Variants in ADAMTS2 observed in about 807,000 individuals in gnomAD.
ADAMTS2 encodes the protein ADAM metallopeptidase with thrombospondin type 1 motif 2, also known as A disintegrin and metalloproteinase with thrombospondin motifs 2.
A neutral mutation model predicts 123.0 loss-of-function variants in ADAMTS2; 50 were observed. That is an observed-to-expected ratio of 0.41 (90% CI 0.32 to 0.51). The LOEUF (loss-of-function observed/expected upper bound fraction) is 0.51, where lower values mean the gene tolerates loss of function less well. Ranked by LOEUF, ADAMTS2 falls within the 20% of genes least tolerant of loss-of-function variation. The probability of loss-of-function intolerance (pLI) is 0.35; values close to 1 mark genes in which losing one functional copy is unlikely to be tolerated. For synonymous variants in ADAMTS2, 678 were observed against 695.4 expected (o/e 0.98, Z 0.39); for missense variants, 1,494 against 1,705.2 (o/e 0.88, Z 2.18).
intron 2 of ADAMTS2, among the ~76,000 whole-genome samples, chr5:179,275,096 G>A (rs1766659231): frequency 6.6e-6 from 1 of 152,158 alleles, no homozygotes. Flanking sequence ...ATCACTCAGG[G>A]GGCTGGTGAG....
intron 18 of ADAMTS2, 84 bp from the exon 19 acceptor site, chr5:179,125,264 G>A: frequency 7.6e-7 from 1 of 1,312,500 alleles, no homozygotes; most frequent in Non-Finnish European, 1.1e-6. Flanking sequence ...GCTCCCTGCA[G>A]CCCAGGTAGA....
Position 179,242,313 on chromosome 5 carries a change from A to G in ADAMTS2, c.688+30598T>C. ...CAGCAAATCTCCTTTTCTTGGCTTA[A>G]TTGGATTTGGATCTCTAATTATACC... On this transcript the variant is annotated intron_variant, in intron 3 of 21. Coordinates refer to ENST00000251582, the MANE Select transcript of ADAMTS2 (RefSeq NM_014244.5). The surrounding 1 kb of genome is among the most constrained non-coding windows in gnomAD (Gnocchi z 4.2). Among the ~76,000 whole-genome samples the G allele has an allele frequency of 6.6e-6, 1 of 152,110 alleles. No individual in the cohort carries two copies. The highest frequency in any genetic ancestry group is 2.4e-5 in the African/African-American group (1 of 41,398).
intron 10 of ADAMTS2, among the ~76,000 whole-genome samples, chr5:179,140,542 A>G (rs1024038563): frequency 3.9e-5 from 6 of 152,242 alleles, no homozygotes; most frequent in Non-Finnish European, 8.8e-5. Context: ...AAATGATTCC[A>G]CATCTTAATC....
At chr5:179,216,723 C>T (rs138418428) in intron 3 of ADAMTS2, among the ~76,000 whole-genome samples, 1,642 of 152,364 alleles carry the variant, frequency 0.011, 39 homozygotes, top group African/African-American at 0.036. Flanking sequence ...ACACTGCCAG[C>T]GTGTGCCAGC....
chr5:179,335,175 C>A (rs531907897), intron 2 of ADAMTS2, among the ~76,000 whole-genome samples: 2 of 151,852 alleles, frequency 1.3e-5, no homozygotes, highest in African/African-American at 4.8e-5. Flanking sequence ...CACAGTCCAA[C>A]AGAAATAGAA....
chr5:179,162,548 C>A lies in ADAMTS2; in HGVS notation c.976-3669G>T, dbSNP rs1763615144. 1.3e-5 allele frequency among the ~76,000 whole-genome samples: 2 copies of A among 152,190 alleles called. No homozygotes were observed. The highest frequency in any genetic ancestry group is 4.8e-5 in the African/African-American group (2 of 41,452). On this transcript the variant is annotated intron_variant, in intron 5 of 21. Coordinates refer to ENST00000251582, the MANE Select transcript of ADAMTS2 (RefSeq NM_014244.5). The surrounding 1 kb of genome is among the most constrained non-coding windows in gnomAD (Gnocchi z 5.1). Reference sequence around the variant, plus strand: ...CGGGCCCCAGCTGAGCTGTTGCACACCATACCGTATGGGCCCCTCCTGGGG... The same window carrying A: ...CGGGCCCCAGCTGAGCTGTTGCACAACATACCGTATGGGCCCCTCCTGGGG...
chr5:179,194,166 C>T lies in ADAMTS2; in HGVS notation c.892-13011G>A, dbSNP rs112650919. 3.9e-3 allele frequency among the ~76,000 whole-genome samples: 599 copies of T among 152,128 alleles called. 3 individuals are homozygous for T. The Middle Eastern group carries it at 0.041, about 10-fold the overall frequency. On this transcript the variant is annotated intron_variant, in intron 4 of 21. Transcript: ENST00000251582. Reference sequence around the variant, plus strand: ...TCCACATCAGCTATCAGGAGGTCTGCGGAGGAGGGAGGAGGGAGGAGGTGG... The same window carrying T: ...TCCACATCAGCTATCAGGAGGTCTGTGGAGGAGGGAGGAGGGAGGAGGTGG...
chr5:179,278,559 G>T (rs904296257), intron 2 of ADAMTS2, among the ~76,000 whole-genome samples: 1 of 152,148 alleles, frequency 6.6e-6, no homozygotes, highest in Non-Finnish European at 1.5e-5. Context: ...GGAGCCTGCT[G>T]GTGGCCTGTC....
rs1193042973 is a variant in ADAMTS2 at position 179,175,579 on chromosome 5, T to C, written c.975+5493A>G. Among the ~76,000 whole-genome samples the C allele has an allele frequency of 6.6e-6, 1 of 152,236 alleles. No homozygotes were observed. The highest frequency in any genetic ancestry group is 2.4e-5 in the African/African-American group (1 of 41,470). On this transcript the variant is annotated intron_variant, in intron 5 of 21. Transcript: ENST00000251582. This position sits in a 1 kb window ranked among gnomAD's most constrained non-coding sequence, Gnocchi z 4.1. ...AATTTTCTCTCCCTGTTTTCCCCACTACCAAGGCTGTTGTTTTTGGTTCAC... is the reference window on the plus strand; with the variant it reads ...AATTTTCTCTCCCTGTTTTCCCCACCACCAAGGCTGTTGTTTTTGGTTCAC...
intron 3 of ADAMTS2, among the ~76,000 whole-genome samples, chr5:179,216,584 C>T (rs1163418201): frequency 6.6e-6 from 1 of 152,208 alleles, no homozygotes; most frequent in African/African-American, 2.4e-5. Context: ...TCCTCGAGAC[C>T]TTGCTCACGA....
rs771366088 is a variant in ADAMTS2, at chr5:179,332,165, A to T, written c.534+11602T>A. On this transcript the variant is annotated intron_variant, in intron 2 of 21. Transcript: ENST00000251582. This position sits in a 1 kb window ranked among gnomAD's most constrained non-coding sequence, Gnocchi z 4.2. ...CAGAACTCAGGGAGGCATTTTACTT[A>T]CTATTTCCAGTTGATTATTAAAGAC... 6.6e-6 allele frequency among the ~76,000 whole-genome samples: 1 copy of T among 152,152 alleles called. No individual in the cohort carries two copies. The highest frequency in any genetic ancestry group is 1.5e-5 in the Non-Finnish European group (1 of 68,034).
chr5:179,329,291 C>T (rs543650825), intron 2 of ADAMTS2, among the ~76,000 whole-genome samples: 28 of 148,862 alleles, frequency 1.9e-4, no homozygotes, highest in Admixed American at 1.0e-3. Flanking sequence ...AGTGCCACTG[C>T]GCTCCAGCCT....
intron 3 of ADAMTS2, among the ~76,000 whole-genome samples, chr5:179,261,487 C>G (rs115045337): frequency 1.3e-5 from 2 of 152,140 alleles, no homozygotes; most frequent in Admixed American, 6.5e-5. Flanking sequence ...GGCCAGGGCT[C>G]GAGCGCGTCT....
chr5:179,216,278 A>G (rs200884281), intron 3 of ADAMTS2, among the ~76,000 whole-genome samples: 9 of 152,196 alleles, frequency 5.9e-5, no homozygotes, highest in Admixed American at 3.3e-4. Context: ...CCCCACCTCC[A>G]TCAGGCCATC....
At chr5:179,338,154 T>C (rs899066467) in intron 2 of ADAMTS2, among the ~76,000 whole-genome samples, 13 of 152,236 alleles carry the variant, frequency 8.5e-5, no homozygotes, top group African/African-American at 2.2e-4. Flanking sequence ...GAGCTGGCCT[T>C]GCTGGGCTCC....
intron 4 of ADAMTS2, among the ~76,000 whole-genome samples, chr5:179,199,001 C>T (rs1323072359): frequency 6.6e-6 from 1 of 152,128 alleles, no homozygotes; most frequent in Non-Finnish European, 1.5e-5. Context: ...TGGGGAAAGG[C>T]CACAGAGAAC....
intron 13 of ADAMTS2, among the ~76,000 whole-genome samples, chr5:179,134,525 C>G (rs1174423605): frequency 6.6e-6 from 1 of 152,188 alleles, no homozygotes. Flanking sequence ...TCCTCAGGAG[C>G]CCTCTCAGTG....
Position 179,188,586 on chromosome 5 carries a change from A to AAAAT in ADAMTS2, c.892-7435_892-7432dup. 6.6e-6 allele frequency among the ~76,000 whole-genome samples: 1 copy of AAAAT among 152,314 alleles called. No homozygotes were observed. Among genetic ancestry groups the AAAAT allele is most frequent in the East Asian group, 1.9e-4 (1 of 5,172 alleles). ...GCTAGAAGAAACGTGACTCTTGCTC[A>AAAAT]AAATATCAAACTACCATGAAACGGA... is the stretch of plus-strand genomic sequence containing the variant. On this transcript the variant is annotated intron_variant, in intron 4 of 21. Coordinates refer to ENST00000251582, the MANE Select transcript of ADAMTS2 (RefSeq NM_014244.5). This position sits in a 1 kb window ranked among gnomAD's most constrained non-coding sequence, Gnocchi z 5.1.
chr5:179,246,329 C>T (rs565730384), intron 3 of ADAMTS2, among the ~76,000 whole-genome samples: 3 of 152,238 alleles, frequency 2.0e-5, no homozygotes, highest in East Asian at 3.9e-4. Context: ...TCAACTGTCT[C>T]GGAGCTTCCC....
Sources: allele counts gnomAD v4.1 joint callset (sites outside exome capture counted in the v4.1 genomes callset), GRCh38; gene constraint gnomAD v4.1.1; non-coding constraint Gnocchi (gnomAD v3.1); transcripts MANE v1.5; gene names NCBI Gene and HGNC (gene_info 2026-07-23, HGNC 2026-07-21).